Variants in TBX4 observed in about 807,000 individuals in gnomAD.
TBX4 encodes the protein T-box transcription factor TBX4.
In TBX4, 13 loss-of-function variants were observed where a neutral mutation model predicts 54.6. The observed-to-expected ratio is 0.24, with a 90% confidence interval of 0.15 to 0.38. TBX4 has a LOEUF of 0.38. TBX4 is among the 10% of genes least tolerant of loss of function. The probability of loss-of-function intolerance (pLI) is 1.00; values close to 1 mark genes in which losing one functional copy is unlikely to be tolerated. For synonymous variants in TBX4, 314 were observed against 306.7 expected, an observed-to-expected ratio of 1.02 and a Z score of -0.25; for missense variants, 631 against 728.5, an observed-to-expected ratio of 0.87 and a Z score of 1.54.
chr17:61,462,375 G>C lies in TBX4; in HGVS notation c.282-3444G>C, dbSNP rs1221913097. 6.6e-6 allele frequency among the ~76,000 whole-genome samples: 1 copy of C among 152,142 alleles called. No individual in the cohort carries two copies. Among genetic ancestry groups the C allele is most frequent in the South Asian group, 2.1e-4 (1 of 4,822 alleles). On this transcript the variant is annotated intron_variant, in intron 3 of 8. Transcript: ENST00000644296. The surrounding 1 kb of genome is among the most constrained non-coding windows in gnomAD (Gnocchi z 4.5). ...AGGGCGGGGGAGCCCCCATCTGTCTGGGGGCGCGGGAGCCCGACGGCGCGA... is the reference window on the plus strand; with the variant it reads ...AGGGCGGGGGAGCCCCCATCTGTCTCGGGGCGCGGGAGCCCGACGGCGCGA...
rs375091484 is a variant in TBX4 at position 61,478,739 on chromosome 17, A to G, written c.662A>G (p.Glu221Gly). 6.2e-7 allele frequency: 1 copy of G among 1,614,180 alleles called. No homozygotes were observed. Among genetic ancestry groups the G allele is most frequent in the Non-Finnish European group, 8.5e-7 (1 of 1,180,024 alleles). The change falls in exon 6 of 9, where the codon GAG becomes GGG. Residue 221 changes from glutamate to glycine, a missense_variant. Coordinates refer to ENST00000644296, the MANE Select transcript of TBX4 (RefSeq NM_001321120.2). This position sits in a 1 kb window ranked among gnomAD's most constrained non-coding sequence, Gnocchi z 7.4. ...GCTTTCTGCACCCACGTGTTCCCAGAGACCTCCTTCATCTCTGTGACCTCC... is the reference window on the plus strand; with the variant it reads ...GCTTTCTGCACCCACGTGTTCCCAGGGACCTCCTTCATCTCTGTGACCTCC... ...NTAFCTHVFP[E>G]TSFISVTSYQ... is the part of the protein sequence containing the mutation.
rs1425242059 is a variant in TBX4, at chr17:61,484,712, CTT to C, written c.*1198_*1199del. The stretch of plus-strand genomic sequence containing the variant: ...ATCAAACTTGGGAAATCACTAAACT[CTT>C]TGCATGCTGAATAGCTATTTATATA... On this transcript the variant is annotated 3_prime_UTR_variant, in exon 9 of 9. Transcript: ENST00000644296. This position sits in a 1 kb window ranked among gnomAD's most constrained non-coding sequence, Gnocchi z 4.1. 10 of 150,532 alleles carry C rather than the reference CTT, an allele frequency of 6.6e-5. No individual in the cohort carries two copies. The allele number at this position is 150,532 out of a possible 1,614,324, so 9.3% of individuals were successfully genotyped here.
At position 61,469,341 on chromosome 17, in the gene TBX4, T is replaced by G. The variant is rs536900823; in HGVS notation, c.549+1684T>G. On this transcript the variant is annotated intron_variant, in intron 5 of 8. Coordinates refer to ENST00000644296, the MANE Select transcript of TBX4 (RefSeq NM_001321120.2). ...GGTCTGTGAGTGGTTTGTGATAAAC[T>G]GCATAGAAGTCAGGGCCAGTGAGGC... is the stretch of plus-strand genomic sequence containing the variant. 3.3e-5 allele frequency among the ~76,000 whole-genome samples: 5 copies of G among 152,332 alleles called. No homozygotes were observed. The South Asian group carries it at 8.3e-4, about 25-fold the overall frequency.
intron 1 of TBX4, chr17:61,453,063 A>C: frequency 1.2e-6 from 1 of 869,486 alleles, no homozygotes; most frequent in Non-Finnish European, 1.4e-6. Context: ...AACATTATAT[A>C]TAAATAATGA....
In TBX4 at chr17:61,465,643, G is replaced by C; in HGVS notation, c.282-176G>C. On this transcript the variant is annotated intron_variant, in intron 3 of 8. Transcript: ENST00000644296. This position sits in a 1 kb window ranked among gnomAD's most constrained non-coding sequence, Gnocchi z 4.9. ...CAGCAGCCAGTGCCACCTTTTCACT[G>C]TGCAGCTCGGGCAGAGGGGGAAGTG... is the stretch of plus-strand genomic sequence containing the variant. The C allele has an allele frequency of 2.6e-6, 2 of 780,934 alleles. No homozygotes were observed. Among genetic ancestry groups the C allele is most frequent in the Non-Finnish European group, 4.3e-6 (2 of 466,442 alleles). The allele number at this position is 780,934 out of a possible 1,614,324, so 48.4% of individuals were successfully genotyped here. A position where few individuals can be genotyped will look rare whatever the true frequency, so the allele number is the denominator to read the frequency against.
rs1313544217 is a variant in TBX4 at position 61,484,979 on chromosome 17, C to T, written c.*1463C>T. On this transcript the variant is annotated 3_prime_UTR_variant, in exon 9 of 9. Transcript: ENST00000644296. The surrounding 1 kb of genome is among the most constrained non-coding windows in gnomAD (Gnocchi z 4.1). Reference sequence around the variant, plus strand: ...ATATATATATATATATATAAACACACACACACTACAGATAAGGCTTTTTTA... The same window carrying T: ...ATATATATATATATATATAAACACATACACACTACAGATAAGGCTTTTTTA... 1.3e-5 allele frequency: 2 copies of T among 148,210 alleles called. No individual in the cohort carries two copies. Among genetic ancestry groups the T allele is most frequent in the African/African-American group, 2.5e-5 (1 of 40,568 alleles). The allele number at this position is 148,210 out of a possible 1,614,324, so 9.2% of individuals were successfully genotyped here. A position where few individuals can be genotyped will look rare whatever the true frequency, so the allele number is the denominator to read the frequency against.
In TBX4 at chr17:61,478,641, T is replaced by C; in HGVS notation, c.564T>C (p.Ser188=). The change falls in exon 6 of 9, where the codon TCT becomes TCC. Residue 188 remains serine (S), a synonymous_variant. Coordinates refer to ENST00000644296, the MANE Select transcript of TBX4 (RefSeq NM_001321120.2). The surrounding 1 kb of genome is among the most constrained non-coding windows in gnomAD (Gnocchi z 7.4). ...TTCTCTTCCAGATCATCCTCAACTC[T>C]ATGCACAAGTACCAGCCGCGGCTCC... ...LDPFGHIILN[S]MHKYQPRLHI... 1 of 1,614,208 alleles carries C rather than the reference T, an allele frequency of 6.2e-7. No individual in the cohort carries two copies. The highest frequency in any genetic ancestry group is 1.3e-5 in the African/African-American group (1 of 75,048).
At position 61,479,270 on chromosome 17, in the gene TBX4, C is replaced by G. The variant is rs3785823; in HGVS notation, c.702+491C>G. Among the ~76,000 whole-genome samples, 32,933 of 152,068 alleles carry G rather than the reference C, an allele frequency of 0.22. 3,845 individuals carry two copies. Among genetic ancestry groups the G allele is most frequent in the African/African-American group, 0.29 (11,822 of 41,452 alleles). The stretch of plus-strand genomic sequence containing the variant: ...CACCTCCCACACTCACTACTGCCCT[C>G]CCCAGCCCGGCCACCCCCACTGCAT... On this transcript the variant is annotated intron_variant, in intron 6 of 8. Coordinates refer to ENST00000644296, the MANE Select transcript of TBX4 (RefSeq NM_001321120.2). This position sits in a 1 kb window ranked among gnomAD's most constrained non-coding sequence, Gnocchi z 6.1.
chr17:61,455,232 G>A (rs1412939988), intron 1 of TBX4, among the ~76,000 whole-genome samples: 3 of 152,248 alleles, frequency 2.0e-5, no homozygotes, highest in African/African-American at 7.2e-5. Flanking sequence ...GTCTAAGCCC[G>A]GGATGAGGAG....
chr17:61,456,422 G>T, intron 1 of TBX4, 66 bp from the exon 2 acceptor site: 1 of 1,535,056 alleles, frequency 6.5e-7, no homozygotes, highest in East Asian at 2.5e-5. Context: ...ATCGGCTGGA[G>T]AGGGCCAGGG....
In TBX4 at chr17:61,478,763, C is replaced by T; in HGVS notation, c.686C>T (p.Ser229Phe). Residue 229 changes from serine (S) to phenylalanine (F), a missense_variant, in exon 6 of 9, where the codon TCC (serine) becomes TTC (phenylalanine). Around this residue, in one of 3 missense-constraint regions of TBX4, gnomAD observed 154 missense variants for 238.6 expected, o/e 0.65. Transcript: ENST00000644296. The surrounding 1 kb of genome is among the most constrained non-coding windows in gnomAD (Gnocchi z 7.4). ...GAGACCTCCTTCATCTCTGTGACCT[C>T]CTACCAGAATCACAAGGTACAGCCA... is the stretch of plus-strand genomic sequence containing the variant. ...FPETSFISVT[S>F]YQNHKITQLK... 6.2e-7 allele frequency: 1 copy of T among 1,614,154 alleles called. No homozygotes were observed. Among genetic ancestry groups the T allele is most frequent in the Non-Finnish European group, 8.5e-7 (1 of 1,180,028 alleles).
At chr17:61,482,799 G>A (rs565893967) in intron 8 of TBX4, 98 bp from the exon 9 acceptor site, 30 of 1,554,562 alleles carry the variant, frequency 1.9e-5, no homozygotes, top group Middle Eastern at 2.1e-4. Flanking sequence ...GAGGGCGGGC[G>A]CAGAGGGACA....
intron 1 of TBX4, among the ~76,000 whole-genome samples, chr17:61,454,322 C>T (rs908501912): frequency 6.6e-6 from 1 of 152,284 alleles, no homozygotes; most frequent in Non-Finnish European, 1.5e-5. Context: ...GAAATGCTGT[C>T]GTCTTTGGAA....
In TBX4 at chr17:61,476,004, C is replaced by T. The variant is rs550739715; in HGVS notation, c.550-2623C>T. On this transcript the variant is annotated intron_variant, in intron 5 of 8. Coordinates refer to ENST00000644296, the MANE Select transcript of TBX4 (RefSeq NM_001321120.2). The surrounding 1 kb of genome is among the most constrained non-coding windows in gnomAD (Gnocchi z 6.5). The stretch of plus-strand genomic sequence containing the variant: ...GACCAGAGAGGAGGGGACTTGCCCA[C>T]GTTCCCACGGAGGGTTTGTGGTCGT... Among the ~76,000 whole-genome samples the T allele has an allele frequency of 3.3e-5, 5 of 152,270 alleles. No individual in the cohort carries two copies. The highest frequency in any genetic ancestry group is 7.2e-5 in the African/African-American group (3 of 41,554).
chr17:61,481,356 CAG>C lies in TBX4; in HGVS notation c.1021+1040_1021+1041del, dbSNP rs1342838974. 2.6e-5 allele frequency: 4 copies of C among 152,216 alleles called. No individual in the cohort carries two copies. Among genetic ancestry groups the C allele is most frequent in the South Asian group, 2.1e-4 (1 of 4,836 alleles). The allele number at this position is 152,216 out of a possible 1,614,324, so 9.4% of individuals were successfully genotyped here. A position where few individuals can be genotyped will look rare whatever the true frequency, so the allele number is the denominator to read the frequency against. On this transcript the variant is annotated intron_variant, in intron 8 of 8. Coordinates refer to ENST00000644296, the MANE Select transcript of TBX4 (RefSeq NM_001321120.2). The surrounding 1 kb of genome is among the most constrained non-coding windows in gnomAD (Gnocchi z 4.8). ...TACGGCTGCTTTCATGGTACAACGG[CAG>C]AGTTTCGTAGTTGCAACAGATACCC...
rs200551008 is a variant in TBX4 at position 61,453,617 on chromosome 17, CAG to C, written c.-4+1043_-4+1044del. ...TTGTACCAATGTGATGAAAAATAAT[CAG>C]AGTATTAAGAGCTACAACAATATTA... is the stretch of plus-strand genomic sequence containing the variant. On this transcript the variant is annotated intron_variant, in intron 1 of 8. Transcript: ENST00000644296. 3.9e-5 allele frequency among the ~76,000 whole-genome samples: 6 copies of C among 152,020 alleles called. 1 individual carries two copies. The East Asian group carries it at 7.7e-4, about 19-fold the overall frequency.
At chr17:61,482,680 C>T (rs2060672184) in intron 8 of TBX4, among the ~76,000 whole-genome samples, 1 of 151,664 alleles carries the variant, frequency 6.6e-6, no homozygotes, top group African/African-American at 2.4e-5. Context: ...ATGTGGTGTC[C>T]CCCGTGGCCT....
In TBX4 at chr17:61,484,950, ATAT is replaced by A. The variant is rs1569048573; in HGVS notation, c.*1435_*1437del. On this transcript the variant is annotated 3_prime_UTR_variant, in exon 9 of 9. Coordinates refer to ENST00000644296, the MANE Select transcript of TBX4 (RefSeq NM_001321120.2). This position sits in a 1 kb window ranked among gnomAD's most constrained non-coding sequence, Gnocchi z 4.1. ...TTAGATAAAACATATAAATAAATATATATATATATATATATATATATAAACACA... is the reference window on the plus strand; with the variant it reads ...TTAGATAAAACATATAAATAAATATAATATATATATATATATATAAACACA... 4.6e-3 allele frequency: 450 copies of A among 97,082 alleles called. 2 individuals carry two copies. The highest frequency in any genetic ancestry group is 0.013 in the African/African-American group (389 of 30,792). The allele number at this position is 97,082 out of a possible 1,614,324, so 6.0% of individuals were successfully genotyped here.
Position 61,483,515 on chromosome 17 carries a change from G to C in TBX4, c.1640G>C (p.Ter547SerextTer16). The C allele has an allele frequency of 6.2e-7, 1 of 1,614,044 alleles. No individual in the cohort carries two copies. The highest frequency in any genetic ancestry group is 8.5e-7 in the Non-Finnish European group (1 of 1,180,036). ...MGTVENWTDG[*>S] is the part of the protein sequence containing the mutation. The stretch of plus-strand genomic sequence containing the variant: ...ACTGTGGAGAACTGGACTGACGGAT[G>C]ACTCTCACGTCTCCTCCATAGCCCC... The change falls in exon 9 of 9, where the codon TGA becomes TCA. Residue 547 changes from the stop codon to serine, a stop_lost. Transcript: ENST00000644296. This position sits in a 1 kb window ranked among gnomAD's most constrained non-coding sequence, Gnocchi z 6.6.
Sources: gnomAD v4.1 joint callset for allele counts (sites outside exome capture counted in the v4.1 genomes callset) on GRCh38, gnomAD v4.1.1 for gene constraint, gnomAD v4.1.1 regional missense constraint, Gnocchi (gnomAD v3.1) non-coding constraint, MANE v1.5 for transcripts, NCBI Gene and HGNC (gene_info 2026-07-23, HGNC 2026-07-21) for gene names.